TMEM156: variants seen among roughly 807,000 people sequenced by gnomAD.
TMEM156 encodes transmembrane protein 156.
Under a neutral mutation model 30.5 loss-of-function variants are expected in TMEM156, and 28 were observed. The observed-to-expected ratio is 0.92, with a 90% CI of 0.68 to 1.26. TMEM156 has a LOEUF of 1.26. TMEM156 is among the 50% of genes most tolerant of loss of function. The pLI is 0.00. For synonymous variants in TMEM156, 137 were observed against 119.9 expected (o/e 1.14, Z -0.93); for missense variants, 351 against 340.6 (o/e 1.03, Z -0.24).
intron 5 of TMEM156, among the ~76,000 whole-genome samples, chr4:38,979,669 C>G (rs1327801820): frequency 6.6e-6 from 1 of 152,190 alleles, no homozygotes; most frequent in East Asian, 1.9e-4. Flanking sequence ...GCCATCATGA[C>G]TCTTCATGGA....
intron 1 of TMEM156, among the ~76,000 whole-genome samples, chr4:39,017,432 G>A (rs1221656002): frequency 6.6e-6 from 1 of 151,998 alleles, no homozygotes; most frequent in Non-Finnish European, 1.5e-5. Context: ...ACCTGTCTCA[G>A]CCTCCCAAAG....
At chr4:39,029,713 C>CAA (rs1162125684) in intron 1 of TMEM156, among the ~76,000 whole-genome samples, 2 of 1,958 alleles carry the variant, frequency 1.0e-3, no homozygotes, top group Admixed American at 8.6e-3. Flanking sequence ...GACTCCGTCT[C>CAA]AAAAAAAAAA....
At chr4:38,978,150 T>A (rs1189237245) in intron 5 of TMEM156, among the ~76,000 whole-genome samples, 1 of 152,178 alleles carries the variant, frequency 6.6e-6, no homozygotes, top group Non-Finnish European at 1.5e-5. Context: ...CTAGCCAGCC[T>A]CTCTTGACTG....
intron 1 of TMEM156, among the ~76,000 whole-genome samples, chr4:39,007,038 A>C (rs1228149204): frequency 6.6e-6 from 1 of 152,182 alleles, no homozygotes; most frequent in African/African-American, 2.4e-5. Context: ...AACCAATTAC[A>C]CTAGCATTTA....
At chr4:39,016,872 G>A (rs1211750990) in intron 1 of TMEM156, among the ~76,000 whole-genome samples, 4 of 152,156 alleles carry the variant, frequency 2.6e-5, no homozygotes, top group African/African-American at 4.8e-5. Context: ...GGAAAAAGGT[G>A]TAATGGACTT....
intron 5 of TMEM156, among the ~76,000 whole-genome samples, chr4:38,977,953 T>C (rs1722955233): frequency 6.6e-6 from 1 of 152,244 alleles, no homozygotes; most frequent in East Asian, 1.9e-4. Context: ...TTTCTATCGC[T>C]TTTCAAAGGT....
At chr4:38,978,321 C>G (rs1312190780) in intron 5 of TMEM156, among the ~76,000 whole-genome samples, 1 of 152,006 alleles carries the variant, frequency 6.6e-6, no homozygotes, top group Non-Finnish European at 1.5e-5. Flanking sequence ...AGTATCTGTC[C>G]CTCTGTGCCC....
At chr4:39,024,023 TTTTG>T (rs1248908848) in intron 1 of TMEM156, among the ~76,000 whole-genome samples, 4 of 152,152 alleles carry the variant, frequency 2.6e-5, no homozygotes, top group African/African-American at 7.2e-5. Flanking sequence ...CAGAGGAATC[TTTTG>T]TTTGTTTATT....
chr4:39,000,091 A>T (rs1713229137), intron 1 of TMEM156, among the ~76,000 whole-genome samples: 1 of 151,236 alleles, frequency 6.6e-6, no homozygotes, highest in African/African-American at 2.4e-5. Flanking sequence ...CTGAGTTCAG[A>T]AACAAAAGAC....
chr4:39,025,882 C>G (rs1248594296), intron 1 of TMEM156, among the ~76,000 whole-genome samples: 1 of 152,190 alleles, frequency 6.6e-6, no homozygotes, highest in African/African-American at 2.4e-5. Flanking sequence ...GAGGATAACA[C>G]TTGGCCTGCC....
intron 1 of TMEM156, 123 bp from the exon 2 acceptor site, chr4:38,999,032 G>A: frequency 1.8e-6 from 1 of 557,398 alleles, no homozygotes; most frequent in Non-Finnish European, 2.9e-6. Context: ...GCTTATCAGA[G>A]ACAAGACTGT....
intron 1 of TMEM156, among the ~76,000 whole-genome samples, chr4:39,003,047 A>T (rs1478137376): frequency 9.9e-5 from 15 of 152,254 alleles, no homozygotes; most frequent in Admixed American, 2.6e-4. Flanking sequence ...AAAAAAATTT[A>T]AAAAATGAAA....
intron 1 of TMEM156, among the ~76,000 whole-genome samples, chr4:39,031,192 T>C (rs1715483954): frequency 6.6e-6 from 1 of 152,358 alleles, no homozygotes; most frequent in Non-Finnish European, 1.5e-5. Flanking sequence ...CCTTTTCTTT[T>C]CACCTTTTCT....
chr4:38,966,909 C>T lies in TMEM156; in HGVS notation c.*771G>A, dbSNP rs1264626009. The stretch of plus-strand genomic sequence containing the variant: ...CTCTGCCTGCCAGGTTCAAGTGATT[C>T]TCCTGCCTCAGCCTCCTGAGGAGCT... On this transcript the variant is annotated 3_prime_UTR_variant, in exon 7 of 7. Coordinates refer to ENST00000381938, the MANE Select transcript of TMEM156 (RefSeq NM_024943.3). 6.9e-5 allele frequency: 10 copies of T among 145,376 alleles called. No homozygotes were observed. The highest frequency in any genetic ancestry group is 2.9e-4 in the Admixed American group (4 of 13,746). 9.0% of individuals were successfully genotyped at this position (145,376 alleles called of 1,614,324 possible). A position where few individuals can be genotyped will look rare whatever the true frequency, so the allele number is the denominator to read the frequency against.
At chr4:38,993,068 A>G (rs1712658450) in intron 3 of TMEM156, among the ~76,000 whole-genome samples, 2 of 151,664 alleles carry the variant, frequency 1.3e-5, no homozygotes, top group African/African-American at 4.8e-5. Flanking sequence ...GCCAATATTC[A>G]TATTTTAAAA....
chr4:39,025,578 C>A (rs1361517280), intron 1 of TMEM156, among the ~76,000 whole-genome samples: 2 of 152,006 alleles, frequency 1.3e-5, no homozygotes, highest in African/African-American at 4.8e-5. Context: ...TTGGGAAAGA[C>A]CATTTGAAAT....
intron 2 of TMEM156, among the ~76,000 whole-genome samples, chr4:38,994,809 G>A (rs576049618): frequency 2.5e-4 from 38 of 152,188 alleles, no homozygotes; most frequent in African/African-American, 7.7e-4. Flanking sequence ...TTAGCCAGGC[G>A]TGGTGATGTG....
At chr4:39,015,639 G>A (rs1171163605) in intron 1 of TMEM156, among the ~76,000 whole-genome samples, 2 of 152,166 alleles carry the variant, frequency 1.3e-5, no homozygotes, top group East Asian at 1.9e-4. Context: ...GTCATTTTAA[G>A]CCACTAAGTT....
At position 38,993,944 on chromosome 4, in the gene TMEM156, C is replaced by G. The variant is rs757000184; in HGVS notation, c.413G>C (p.Cys138Ser). 7 of 1,614,048 alleles carry G rather than the reference C, an allele frequency of 4.3e-6. No individual in the cohort carries two copies. The African/African-American group carries it at 5.3e-5, about 12-fold the overall frequency. Reference protein sequence around the residue: ...EVKANDFHSPCQHFNFSVAPL... With the variant: ...EVKANDFHSPSQHFNFSVAPL... ...AGCTACACTGAAGTTAAAGTGCTGACAAGGTGAATGAAAATCATTTGCTTT... is the reference window on the plus strand; with the variant it reads ...AGCTACACTGAAGTTAAAGTGCTGAGAAGGTGAATGAAAATCATTTGCTTT... Residue 138 changes from cysteine (C) to serine (S), a missense_variant, in exon 3 of 7, where the codon TGT becomes TCT. By Grantham distance (112) the Cys-to-Ser change is moderately radical. Transcript: ENST00000381938.
Sources: allele counts gnomAD v4.1 joint callset (sites outside exome capture counted in the v4.1 genomes callset), GRCh38; gene constraint gnomAD v4.1.1; transcripts MANE v1.5; gene names NCBI Gene and HGNC (gene_info 2026-07-23, HGNC 2026-07-21).